RNF144B: variants seen among roughly 807,000 people sequenced by gnomAD.
The protein encoded by RNF144B is E3 ubiquitin-protein ligase RNF144B.
RNF144B carries 25 observed loss-of-function variants against 40.2 expected under a neutral mutation model. That is an observed-to-expected ratio of 0.62 (90% CI 0.45 to 0.87). The LOEUF is 0.87. Among genes scored for constraint, RNF144B ranks in the 40% least tolerant of loss-of-function variants. RNF144B has a pLI of 0.00. For synonymous variants in RNF144B, 145 were observed against 136.3 expected, an observed-to-expected ratio of 1.06 and a Z score of -0.44; for missense variants, 365 against 373.7, an observed-to-expected ratio of 0.98 and a Z score of 0.19.
Position 18,465,048 on chromosome 6 carries a change from A to G in RNF144B, c.893A>G (p.His298Arg), listed in dbSNP as rs766940617. The change falls in exon 8 of 8, where the codon CAC (histidine) becomes CGC (arginine). Residue 298 changes from histidine to arginine, a missense_variant. Coordinates refer to ENST00000259939, the MANE Select transcript of RNF144B (RefSeq NM_182757.4). ...CKSCRGKKKK[H>R]DPSTT ...TCCTGTCGGGGCAAGAAGAAAAAGC[A>G]CGACCCATCCACAACCTAAAGATCT... 6.8e-6 allele frequency: 11 copies of G among 1,613,822 alleles called. No individual in the cohort carries two copies. In the East Asian group the frequency reaches 2.5e-4, roughly 36 times the overall value.
intron 1 of RNF144B, among the ~76,000 whole-genome samples, chr6:18,397,539 TTAAAGA>T (rs1254844936): frequency 1.3e-5 from 2 of 152,220 alleles, no homozygotes; most frequent in African/African-American, 4.8e-5. Flanking sequence ...TTAGTCTCTT[TTAAAGA>T]TAAAGATTCA....
At position 18,416,200 on chromosome 6, in the gene RNF144B, A is replaced by T. The variant is rs532284889; in HGVS notation, c.166-11381A>T. Reference sequence around the variant, plus strand: ...CCTGGGCCAGAGGGATCTCTTTGGGATTAGTATAAAAAGTGGGGCCTCCTT... The same window carrying T: ...CCTGGGCCAGAGGGATCTCTTTGGGTTTAGTATAAAAAGTGGGGCCTCCTT... On this transcript the variant is annotated intron_variant, in intron 2 of 7. Coordinates refer to ENST00000259939, the MANE Select transcript of RNF144B (RefSeq NM_182757.4). The surrounding 1 kb of genome is among the most constrained non-coding windows in gnomAD (Gnocchi z 5.5). 6.6e-6 allele frequency among the ~76,000 whole-genome samples: 1 copy of T among 152,122 alleles called. No homozygotes were observed. The highest frequency in any genetic ancestry group is 1.9e-4 in the East Asian group (1 of 5,188).
Position 18,422,118 on chromosome 6 carries a change from CTG to C in RNF144B, c.166-5462_166-5461del, listed in dbSNP as rs1758440927. Among the ~76,000 whole-genome samples the C allele has an allele frequency of 8.5e-5, 13 of 152,272 alleles. No homozygotes were observed. In the South Asian group the frequency reaches 2.7e-3, roughly 32 times the overall value. ...TCGGACTATACCAGGAAACAGCTTCCTGCCTAGCTATAGGTTGTTAATTTGTC... is the reference window on the plus strand; with the variant it reads ...TCGGACTATACCAGGAAACAGCTTCCCCTAGCTATAGGTTGTTAATTTGTC... On this transcript the variant is annotated intron_variant, in intron 2 of 7. Transcript: ENST00000259939. This position sits in a 1 kb window ranked among gnomAD's most constrained non-coding sequence, Gnocchi z 4.7.
intron 4 of RNF144B, among the ~76,000 whole-genome samples, chr6:18,455,053 C>T (rs1251811671): frequency 1.3e-5 from 2 of 152,320 alleles, no homozygotes; most frequent in East Asian, 3.9e-4. Flanking sequence ...TACTAACCTT[C>T]ATTTCTTTGG....
chr6:18,396,942 C>T (rs1794705215), intron 1 of RNF144B: 1 of 363,268 alleles, frequency 2.8e-6, no homozygotes, highest in Non-Finnish European at 3.8e-6. Flanking sequence ...GATGACAGCT[C>T]CTCAGTAGTT....
chr6:18,398,424 T>C lies in RNF144B; in HGVS notation c.-36-1075T>C, dbSNP rs1378675238. Among the ~76,000 whole-genome samples, 1 of 152,182 alleles carries C rather than the reference T, an allele frequency of 6.6e-6. No homozygotes were observed. Among genetic ancestry groups the C allele is most frequent in the Non-Finnish European group, 1.5e-5 (1 of 68,030 alleles). ...TTTCATTCTGTCACCCAGGCTGGAG[T>C]GTGGTGACGCAATCTTGACTCACTG... is the stretch of plus-strand genomic sequence containing the variant. On this transcript the variant is annotated intron_variant, in intron 1 of 7. Coordinates refer to ENST00000259939, the MANE Select transcript of RNF144B (RefSeq NM_182757.4). The surrounding 1 kb of genome is among the most constrained non-coding windows in gnomAD (Gnocchi z 5.0).
rs1432091207 is a variant in RNF144B, at chr6:18,466,482, TA to T, written c.*1416del. ...ATTTATGTATCACCTCATTGTGACT[TA>T]TTTTTTCCATTATACCATTAGTCAG... On this transcript the variant is annotated 3_prime_UTR_variant, in exon 8 of 8. Coordinates refer to ENST00000259939, the MANE Select transcript of RNF144B (RefSeq NM_182757.4). 2.0e-5 allele frequency: 3 copies of T among 152,550 alleles called. No individual in the cohort carries two copies. The highest frequency in any genetic ancestry group is 7.3e-5 in the African/African-American group (3 of 41,378). The allele number at this position is 152,550 out of a possible 1,614,324, so 9.4% of individuals were successfully genotyped here. A position where few individuals can be genotyped will look rare whatever the true frequency, so the allele number is the denominator to read the frequency against.
At chr6:18,435,484 G>A (rs1397195748) in intron 3 of RNF144B, among the ~76,000 whole-genome samples, 1 of 142,446 alleles carries the variant, frequency 7.0e-6, no homozygotes, top group Non-Finnish European at 1.5e-5. Flanking sequence ...GATAGAAATA[G>A]AAAAATCACT....
chr6:18,463,441 C>T (rs778078224), intron 7 of RNF144B, 61 bp downstream of exon 7: 13 of 955,752 alleles, frequency 1.4e-5, no homozygotes, highest in Admixed American at 1.1e-4. Flanking sequence ...AAAGAGCCCA[C>T]CTCTTCGCCT....
chr6:18,430,841 C>T (rs1758677533), intron 3 of RNF144B, among the ~76,000 whole-genome samples: 1 of 151,940 alleles, frequency 6.6e-6, no homozygotes, highest in Admixed American at 6.6e-5. Flanking sequence ...TTATCCTTTC[C>T]CCACTCTATC....
Position 18,406,422 on chromosome 6 carries a change from C to G in RNF144B, c.165+6723C>G, listed in dbSNP as rs1033546216. Among the ~76,000 whole-genome samples the G allele has an allele frequency of 2.0e-5, 3 of 149,168 alleles. No homozygotes were observed. Among genetic ancestry groups the G allele is most frequent in the African/African-American group, 5.0e-5 (2 of 40,240 alleles). On this transcript the variant is annotated intron_variant, in intron 2 of 7. Coordinates refer to ENST00000259939, the MANE Select transcript of RNF144B (RefSeq NM_182757.4). This position sits in a 1 kb window ranked among gnomAD's most constrained non-coding sequence, Gnocchi z 4.2. ...TAAGTTGGGAGTGTGCTTGGTGTAT[C>G]CTGTTACAGCAAAGGAGGCTGGTGT...
chr6:18,413,793 T>C (rs1795093737), intron 2 of RNF144B, among the ~76,000 whole-genome samples: 1 of 152,216 alleles, frequency 6.6e-6, no homozygotes, highest in Admixed American at 6.5e-5. Flanking sequence ...AGAGACCTTT[T>C]CTGCAAATGG....
intron 3 of RNF144B, among the ~76,000 whole-genome samples, chr6:18,432,251 A>G (rs907122211): frequency 2.0e-5 from 3 of 152,148 alleles, no homozygotes. Context: ...AGGTCCTGGA[A>G]CCAGTGCCCT....
intron 2 of RNF144B, among the ~76,000 whole-genome samples, chr6:18,421,273 TAC>T (rs1170609706): frequency 0.11 from 11,252 of 101,984 alleles, 561 homozygotes; most frequent in African/African-American, 0.18. Context: ...TTATATATTA[TAC>T]ACACACACAC....
rs11393909 is a variant in RNF144B at position 18,440,795 on chromosome 6, GT to G, written c.331+1065del. 7.7e-3 allele frequency among the ~76,000 whole-genome samples: 873 copies of G among 113,278 alleles called. 5 individuals carry two copies. Among genetic ancestry groups the G allele is most frequent in the African/African-American group, 0.023 (806 of 34,656 alleles). The allele number at this position is 113,278 out of a possible 152,430, so 74.3% of individuals were successfully genotyped here. On this transcript the variant is annotated intron_variant, in intron 4 of 7. Transcript: ENST00000259939. ...ATAACACTGACTTTGTTTTTGTGGT[GT>G]TTTTTTTTTTTTTAAAAATCCAGCA... is the stretch of plus-strand genomic sequence containing the variant.
At chr6:18,437,950 C>T (rs1758858223) in intron 3 of RNF144B, among the ~76,000 whole-genome samples, 1 of 152,114 alleles carries the variant, frequency 6.6e-6, no homozygotes, top group African/African-American at 2.4e-5. Context: ...GGTCATCAGT[C>T]CACAAACTAT....
At position 18,410,907 on chromosome 6, in the gene RNF144B, A is replaced by G. The variant is rs72832438; in HGVS notation, c.165+11208A>G. 0.026 allele frequency among the ~76,000 whole-genome samples: 3,885 copies of G among 152,048 alleles called. 69 individuals carry two copies. Among genetic ancestry groups the G allele is most frequent in the Middle Eastern group, 0.045 (13 of 292 alleles). On this transcript the variant is annotated intron_variant, in intron 2 of 7. Transcript: ENST00000259939. This position sits in a 1 kb window ranked among gnomAD's most constrained non-coding sequence, Gnocchi z 4.6. The stretch of plus-strand genomic sequence containing the variant: ...GCAGTTTTGATGCCTGGAGTATTTA[A>G]ATTATTTTTGTGCCCCAATTTCTCT...
chr6:18,440,590 T>C (rs376088691), intron 4 of RNF144B, among the ~76,000 whole-genome samples: 20 of 152,100 alleles, frequency 1.3e-4, no homozygotes, highest in African/African-American at 4.8e-4. Context: ...GCCAATAAGT[T>C]TGGTCAGTAC....
rs1794467001 is a variant in RNF144B at position 18,387,371 on chromosome 6, C to T, written c.-296C>T. On this transcript the variant is annotated 5_prime_UTR_variant, in exon 1 of 8. Coordinates refer to ENST00000259939, the MANE Select transcript of RNF144B (RefSeq NM_182757.4). ...TGGCGAGCTGTGCCCCACGCTCCCGCTGCAACAGTCCCGGGCATCGCAGCT... is the reference window on the plus strand; with the variant it reads ...TGGCGAGCTGTGCCCCACGCTCCCGTTGCAACAGTCCCGGGCATCGCAGCT... 8.6e-7 allele frequency: 1 copy of T among 1,157,660 alleles called. No individual in the cohort carries two copies. The highest frequency in any genetic ancestry group is 1.6e-5 in the African/African-American group (1 of 61,174). 71.7% of individuals were successfully genotyped at this position (1,157,660 alleles called of 1,614,324 possible).
Sources: allele counts gnomAD v4.1 joint callset (sites outside exome capture counted in the v4.1 genomes callset), GRCh38; gene constraint gnomAD v4.1.1; non-coding constraint Gnocchi (gnomAD v3.1); transcripts MANE v1.5; gene names NCBI Gene and HGNC (gene_info 2026-07-23, HGNC 2026-07-21).